ITGB6: variants seen among roughly 807,000 people sequenced by gnomAD.
ITGB6 encodes integrin beta-6.
A neutral mutation model predicts 84.5 loss-of-function variants in ITGB6; 80 were observed. The ratio of observed to expected loss-of-function variants is 0.95; its 90% CI spans 0.79 to 1.14. The LOEUF (loss-of-function observed/expected upper bound fraction) is 1.14, where lower values mean the gene tolerates loss of function less well. Ranked by LOEUF, ITGB6 falls within the 50% of genes most tolerant of loss-of-function variation. The pLI, the probability that ITGB6 is intolerant of heterozygous loss-of-function variation, is 0.00. For missense variants in ITGB6, 1,006 were observed against 968.0 expected (o/e 1.04, Z -0.52); for synonymous variants, 383 against 354.9 (o/e 1.08, Z -0.89).
intron 12 of ITGB6, among the ~76,000 whole-genome samples, chr2:160,116,250 G>T (rs1355561267): frequency 6.6e-6 from 1 of 151,916 alleles, no homozygotes; most frequent in African/African-American, 2.4e-5. Flanking sequence ...AAATGCTAAG[G>T]GCAGCCAGAG....
chr2:160,151,656 G>A (rs932023727), intron 7 of ITGB6, among the ~76,000 whole-genome samples: 1 of 152,054 alleles, frequency 6.6e-6, no homozygotes, highest in Non-Finnish European at 1.5e-5. Flanking sequence ...ATGAATCTAG[G>A]AGCTGGCTTT....
In ITGB6 at chr2:160,200,199, G is replaced by C. The variant is rs535864531; in HGVS notation, c.-136C>G. 1.6e-6 allele frequency: 1 copy of C among 642,544 alleles called. No homozygotes were observed. The highest frequency in any genetic ancestry group is 3.2e-5 in the Admixed American group (1 of 31,032). The allele number at this position is 642,544 out of a possible 1,614,324, so 39.8% of individuals were successfully genotyped here. ...AATACTACTTACACTGCTTTGAAAA[G>C]AAACTTGAGATATAAGTTAGAAAGT... On this transcript the variant is annotated 5_prime_UTR_variant, in exon 1 of 15. Coordinates refer to ENST00000283249, the MANE Select transcript of ITGB6 (RefSeq NM_000888.5).
At chr2:160,151,872 A>C (rs953428259) in intron 7 of ITGB6, among the ~76,000 whole-genome samples, 1 of 152,252 alleles carries the variant, frequency 6.6e-6, no homozygotes, top group Non-Finnish European at 1.5e-5. Context: ...TCCTGGACAC[A>C]TACACCCTCC....
Position 160,149,677 on chromosome 2 carries a change from C to G in ITGB6, c.1018-7606G>C, listed in dbSNP as rs183182908. Among the ~76,000 whole-genome samples the G allele has an allele frequency of 5.9e-5, 9 of 152,154 alleles. No homozygotes were observed. In the East Asian group the frequency reaches 1.7e-3, roughly 29 times the overall value. Reference sequence around the variant, plus strand: ...CTTCTCCAAGTTAAATGAGGATGTTCGAACCCCTTGCAAGGAAGCTAAAAA... The same window carrying G: ...CTTCTCCAAGTTAAATGAGGATGTTGGAACCCCTTGCAAGGAAGCTAAAAA... On this transcript the variant is annotated intron_variant, in intron 7 of 14. Coordinates refer to ENST00000283249, the MANE Select transcript of ITGB6 (RefSeq NM_000888.5).
At chr2:160,126,257 G>T in intron 11 of ITGB6, 122 bp downstream of exon 11, 1 of 832,372 alleles carries the variant, frequency 1.2e-6, no homozygotes, top group Non-Finnish European at 1.9e-6. Context: ...TGTGTGTTTT[G>T]ATGGATGTTT....
At chr2:160,190,105 C>G (rs1484159160) in intron 4 of ITGB6, among the ~76,000 whole-genome samples, 2 of 147,582 alleles carry the variant, frequency 1.4e-5, no homozygotes, top group Non-Finnish European at 3.0e-5. Flanking sequence ...ATCACAAGGA[C>G]AGAAAACCAA....
chr2:160,117,377 A>C (rs1301217207), intron 12 of ITGB6, among the ~76,000 whole-genome samples: 14 of 151,856 alleles, frequency 9.2e-5, no homozygotes, highest in Non-Finnish European at 1.8e-4. Flanking sequence ...AAACTGCTCA[A>C]CTACATGGAA....
intron 10 of ITGB6, among the ~76,000 whole-genome samples, chr2:160,137,065 A>AG (rs1559135420): frequency 8.3e-4 from 16 of 19,274 alleles, no homozygotes; most frequent in Non-Finnish European, 6.5e-4. Context: ...AAAAAAAAAG[A>AG]AAAAAAAAAA....
At chr2:160,193,920 G>A (rs764847229) in intron 4 of ITGB6, among the ~76,000 whole-genome samples, 10 of 152,246 alleles carry the variant, frequency 6.6e-5, no homozygotes, top group Non-Finnish European at 1.2e-4. Flanking sequence ...ACTTTGGGAG[G>A]CCAAGGCGGG....
At chr2:160,183,420 A>C (rs1009673916) in intron 4 of ITGB6, among the ~76,000 whole-genome samples, 2 of 152,228 alleles carry the variant, frequency 1.3e-5, no homozygotes, top group Non-Finnish European at 2.9e-5. Flanking sequence ...TAAAGGGATC[A>C]ACACAACAAG....
chr2:160,155,905 AATGG>A (rs1684606284), intron 7 of ITGB6, among the ~76,000 whole-genome samples: 1 of 152,216 alleles, frequency 6.6e-6, no homozygotes, highest in African/African-American at 2.4e-5. Flanking sequence ...ACTTCACTAG[AATGG>A]CTAAAATTAC....
chr2:160,155,599 G>T (rs183823812), intron 7 of ITGB6, among the ~76,000 whole-genome samples: 1 of 152,094 alleles, frequency 6.6e-6, no homozygotes, highest in South Asian at 2.1e-4. Context: ...TACTCAATTT[G>T]CTGTGAACCT....
rs1350054159 is a variant in ITGB6, at chr2:160,196,372, T to G, written c.190A>C (p.Asn64His). 1 of 1,614,046 alleles carries G rather than the reference T, an allele frequency of 6.2e-7. No homozygotes were observed. The highest frequency in any genetic ancestry group is 1.7e-5 in the Admixed American group (1 of 60,004). Reference sequence around the variant, plus strand: ...AATTGACATCCTTTAGCTAAAAGGTTTGCTGGGGTATCACACCTTTCGCCA... The same window carrying G: ...AATTGACATCCTTTAGCTAAAAGGTGTGCTGGGGTATCACACCTTTCGCCA... Reference protein sequence around the residue: ...GVGERCDTPANLLAKGCQLNF... With the variant: ...GVGERCDTPAHLLAKGCQLNF... The change falls in exon 3 of 15, where the codon AAC becomes CAC. Residue 64 changes from asparagine to histidine, a missense_variant. Coordinates refer to ENST00000283249, the MANE Select transcript of ITGB6 (RefSeq NM_000888.5).
intron 7 of ITGB6, among the ~76,000 whole-genome samples, chr2:160,167,985 T>TAA (rs113305886): frequency 6.6e-6 from 1 of 151,802 alleles, no homozygotes. Flanking sequence ...TGGGGGTATT[T>TAA]TAAAAAAGTC....
chr2:160,195,746 T>A, intron 3 of ITGB6, 131 bp from the exon 4 acceptor site: 1 of 1,033,404 alleles, frequency 9.7e-7, no homozygotes. Context: ...TTTTATTAAC[T>A]GTGTGGTCAA....
intron 4 of ITGB6, among the ~76,000 whole-genome samples, chr2:160,186,444 A>G (rs569885706): frequency 2.4e-4 from 37 of 152,332 alleles, no homozygotes; most frequent in Non-Finnish European, 4.4e-4. Context: ...TAGAATGGCA[A>G]TCATTAAAAA....
intron 4 of ITGB6, among the ~76,000 whole-genome samples, chr2:160,190,520 T>C (rs1356525187): frequency 6.6e-6 from 1 of 152,206 alleles, no homozygotes; most frequent in Non-Finnish European, 1.5e-5. Flanking sequence ...TTAATCACCA[T>C]GCGATACTAT....
At position 160,174,913 on chromosome 2, in the gene ITGB6, GAGC is replaced by G. The variant is rs60849943; in HGVS notation, c.594-777_594-775del. Among the ~76,000 whole-genome samples the G allele has an allele frequency of 1.9e-4, 29 of 152,334 alleles. No individual in the cohort carries two copies. The East Asian group carries it at 5.6e-3, about 29-fold the overall frequency. On this transcript the variant is annotated intron_variant, in intron 4 of 14. Transcript: ENST00000283249. ...ACTGAGATCCCTGGCCCAGCATCATGAGCATCACCCGGCAAATTGTTAGAAATG... is the reference window on the plus strand; with the variant it reads ...ACTGAGATCCCTGGCCCAGCATCATGATCACCCGGCAAATTGTTAGAAATG...
chr2:160,131,097 G>T (rs7569555), intron 10 of ITGB6, among the ~76,000 whole-genome samples: 89,172 of 151,966 alleles, frequency 0.59, 27,654 homozygotes, highest in Admixed American at 0.7. Flanking sequence ...CAACAAAACT[G>T]TCATATTGGT....
Sources: gnomAD v4.1 joint callset for allele counts (sites outside exome capture counted in the v4.1 genomes callset) on GRCh38, gnomAD v4.1.1 for gene constraint, MANE v1.5 for transcripts, NCBI Gene and HGNC (gene_info 2026-07-23, HGNC 2026-07-21) for gene names.